The following BMERB1 variants were observed in gnomAD, a reference collection of about 807,000 sequenced individuals.
BMERB1 encodes bMERB domain-containing protein 1.
In BMERB1, 12 loss-of-function variants were observed where a neutral mutation model predicts 23.6. The ratio of observed to expected loss-of-function variants is 0.51; its 90% CI spans 0.33 to 0.82. BMERB1 has a LOEUF of 0.82. Among genes scored for constraint, BMERB1 ranks in the 40% least tolerant of loss-of-function variants. The probability of loss-of-function intolerance (pLI) is 0.03; values close to 1 mark genes in which losing one functional copy is unlikely to be tolerated. For synonymous variants in BMERB1, 122 were observed against 96.6 expected, an observed-to-expected ratio of 1.26 and a Z score of -1.54; for missense variants, 247 against 255.4, an observed-to-expected ratio of 0.97 and a Z score of 0.22.
intron 1 of BMERB1, among the ~76,000 whole-genome samples, chr16:15,450,032 G>C (rs2051028267): frequency 6.6e-6 from 1 of 151,570 alleles, no homozygotes; most frequent in South Asian, 2.1e-4. Flanking sequence ...GATTACAGGT[G>C]TGTGTCATCA....
In BMERB1 at chr16:15,569,379, C is replaced by T. The variant is rs546026027; in HGVS notation, c.304+1323C>T. On this transcript the variant is annotated intron_variant, in intron 3 of 5. Transcript: ENST00000300006. Reference sequence around the variant, plus strand: ...GGAAGACAAGGGAGCAGACATGTCACGTGCCCAGAGCAGGAGCAAGAGAGT... The same window carrying T: ...GGAAGACAAGGGAGCAGACATGTCATGTGCCCAGAGCAGGAGCAAGAGAGT... Among the ~76,000 whole-genome samples, 30 of 152,228 alleles carry T rather than the reference C, an allele frequency of 2.0e-4. No homozygotes were observed. The South Asian group carries it at 4.8e-3, about 24-fold the overall frequency.
At chr16:15,515,532 C>A in intron 2 of BMERB1, 104 bp downstream of exon 2, 1 of 1,414,386 alleles carries the variant, frequency 7.1e-7, no homozygotes, top group Non-Finnish European at 9.3e-7. Context: ...GAGATAAAGG[C>A]ATTATGCACG....
At chr16:15,491,413 G>A (rs1412790110) in intron 1 of BMERB1, among the ~76,000 whole-genome samples, 2 of 150,836 alleles carry the variant, frequency 1.3e-5, no homozygotes, top group Non-Finnish European at 3.0e-5. Context: ...GAGTGCAATG[G>A]TGAGATCTTG....
At chr16:15,586,644 A>G in intron 5 of BMERB1, 73 bp from the exon 6 acceptor site, 1 of 1,279,652 alleles carries the variant, frequency 7.8e-7, no homozygotes, top group Non-Finnish European at 1.1e-6. Context: ...GCAGATGGTC[A>G]GGGCTCTGCT....
chr16:15,500,613 G>A (rs896455635), intron 1 of BMERB1, among the ~76,000 whole-genome samples: 15 of 152,176 alleles, frequency 9.9e-5, no homozygotes, highest in African/African-American at 3.6e-4. Flanking sequence ...TGGGACTTGG[G>A]AGCACTTGAA....
At chr16:15,567,925 C>T (rs2030619890) in intron 2 of BMERB1, 58 bp from the exon 3 acceptor site, 5 of 1,492,224 alleles carry the variant, frequency 3.4e-6, no homozygotes, top group South Asian at 2.4e-5. Context: ...CCGGGTGATG[C>T]TCAGGGCGTA....
chr16:15,500,116 G>A (rs1011942483), intron 1 of BMERB1, among the ~76,000 whole-genome samples: 1 of 152,194 alleles, frequency 6.6e-6, no homozygotes, highest in African/African-American at 2.4e-5. Context: ...AGATGCTGCT[G>A]TGGAGTCCCC....
chr16:15,502,131 G>A (rs2051536566), intron 1 of BMERB1: 7 of 671,316 alleles, frequency 1.0e-5, no homozygotes, highest in Admixed American at 2.5e-5. Context: ...TCTGCTTGAC[G>A]CCAATGCCTG....
intron 3 of BMERB1, among the ~76,000 whole-genome samples, chr16:15,578,201 GTGTC>G (rs1215321290): frequency 6.6e-6 from 1 of 151,072 alleles, no homozygotes; most frequent in African/African-American, 2.4e-5. Context: ...GACCCTGTGT[GTGTC>G]TGTGTGTCTT....
chr16:15,553,208 A>G (rs1225842287), intron 2 of BMERB1, among the ~76,000 whole-genome samples: 1 of 152,158 alleles, frequency 6.6e-6, no homozygotes, highest in Non-Finnish European at 1.5e-5. Flanking sequence ...GAGTTTCGCC[A>G]TGTTGGCTAG....
chr16:15,515,407 G>A lies in BMERB1; in HGVS notation c.209G>A (p.Arg70Gln), dbSNP rs1250346627. The change falls in exon 2 of 6, where the codon CGG (arginine) becomes CAG (glutamine). Residue 70 changes from arginine to glutamine, a missense_variant. Arg to Gln is a conservative substitution (Grantham distance 43). Transcript: ENST00000300006. ...IQRLREVLVRRESELRFMMDD... is the reference protein window; with the variant it reads ...IQRLREVLVRQESELRFMMDD... ...CGTCTCCGGGAAGTCTTGGTCCGCC[G>A]GGAGTCTGAGCTCAGGTTCATGTGA... 5 of 1,613,970 alleles carry A rather than the reference G, an allele frequency of 3.1e-6. No homozygotes were observed. The highest frequency in any genetic ancestry group is 1.1e-5 in the South Asian group (1 of 91,064).
In BMERB1 at chr16:15,586,860, AC is replaced by A. The variant is rs35954715; in HGVS notation, c.*40del. The A allele has an allele frequency of 0.033, 39,848 of 1,223,424 alleles. 3,323 individuals carry two copies. The highest frequency in any genetic ancestry group is 0.32 in the African/African-American group (20,577 of 64,914). The allele number at this position is 1,223,424 out of a possible 1,614,324, so 75.8% of individuals were successfully genotyped here. A position where few individuals can be genotyped will look rare whatever the true frequency, so the allele number is the denominator to read the frequency against. On this transcript the variant is annotated 3_prime_UTR_variant, in exon 6 of 6. Coordinates refer to ENST00000300006, the MANE Select transcript of BMERB1 (RefSeq NM_033201.3). ...ACGTGGGGTGCCCTGGGCCATGGGG[AC>A]CCCCCCCCACCCTCTTGTCTTTATA...
intron 1 of BMERB1, among the ~76,000 whole-genome samples, chr16:15,451,179 GT>G (rs1269161786): frequency 2.6e-5 from 4 of 152,156 alleles, no homozygotes; most frequent in African/African-American, 9.7e-5. Context: ...TCGTTTGTTT[GT>G]TTTGTTTGTT....
chr16:15,515,574 AC>A, intron 2 of BMERB1, 146 bp downstream of exon 2: 1 of 1,201,334 alleles, frequency 8.3e-7, no homozygotes, highest in Non-Finnish European at 1.1e-6. Context: ...TCTCACCACC[AC>A]CCAGGGAAGT....
intron 1 of BMERB1, among the ~76,000 whole-genome samples, chr16:15,450,442 A>G (rs1004850885): frequency 3.9e-5 from 6 of 152,126 alleles, no homozygotes; most frequent in African/African-American, 1.4e-4. Flanking sequence ...CCCTAGACAA[A>G]TAATAGGCAT....
At chr16:15,477,363 C>T (rs536730654) in intron 1 of BMERB1, among the ~76,000 whole-genome samples, 13 of 152,298 alleles carry the variant, frequency 8.5e-5, no homozygotes, top group African/African-American at 3.1e-4. Context: ...CACCTGGTCC[C>T]GCCCTTGACA....
intron 1 of BMERB1, among the ~76,000 whole-genome samples, chr16:15,449,889 G>A (rs2051026976): frequency 6.6e-6 from 1 of 151,652 alleles, no homozygotes; most frequent in Admixed American, 6.6e-5. Flanking sequence ...CTAGAGATGG[G>A]CAAATTTTTC....
chr16:15,585,510 A>C (rs1314201098), intron 5 of BMERB1, among the ~76,000 whole-genome samples: 1 of 151,910 alleles, frequency 6.6e-6, no homozygotes, highest in Non-Finnish European at 1.5e-5. Context: ...GAAAAAAGCA[A>C]CCCCCTTGAA....
chr16:15,486,722 A>G (rs2051372093), intron 1 of BMERB1, among the ~76,000 whole-genome samples: 1 of 152,194 alleles, frequency 6.6e-6, no homozygotes, highest in South Asian at 2.1e-4. Context: ...TGTCATTTCC[A>G]CCTCTTTTAA....
Sources: gnomAD v4.1 joint callset for allele counts (sites outside exome capture counted in the v4.1 genomes callset) on GRCh38, gnomAD v4.1.1 for gene constraint, MANE v1.5 for transcripts, NCBI Gene and HGNC (gene_info 2026-07-23, HGNC 2026-07-21) for gene names.